GALNT5: variants seen among roughly 807,000 people sequenced by gnomAD.
The protein encoded by GALNT5 is polypeptide N-acetylgalactosaminyltransferase 5, also known as UDP-GalNAc:polypeptide N-acetylgalactosaminyltransferase 5.
GALNT5 carries 72 observed loss-of-function variants against 85.4 expected under a neutral mutation model. That is an observed-to-expected ratio of 0.84 (90% confidence interval 0.70 to 1.03). GALNT5 has a LOEUF of 1.03. GALNT5 is among the 50% of genes least tolerant of loss of function. GALNT5 has a pLI of 0.00. For missense variants in GALNT5, 1,137 were observed against 1,135.5 expected (o/e 1.00, Z -0.02); for synonymous variants, 404 against 397.0 (o/e 1.02, Z -0.21).
In GALNT5 at chr2:157,294,566, G is replaced by A. The variant is rs560013149; in HGVS notation, c.1742-1097G>A. ...AGGCAGAAGAGCAAGTGCTGCAGCC[G>A]AGTGGAGGGTCTGAGACCTGGACCG... On this transcript the variant is annotated intron_variant, in intron 3 of 9. Transcript: ENST00000259056. Among the ~76,000 whole-genome samples, 8 of 152,284 alleles carry A rather than the reference G, an allele frequency of 5.3e-5. No individual in the cohort carries two copies. In the South Asian group the frequency reaches 8.3e-4, roughly 16 times the overall value.
rs748281656 is a variant in GALNT5 at position 157,259,412 on chromosome 2, C to T, written c.1330C>T (p.Pro444Ser). ...CAAAGCTCCAGGGCAGTTTGGGCGT[C>T]CTGTAGTTGTCCCCCATGGAAAGGA... is the stretch of plus-strand genomic sequence containing the variant. ...DPKAPGQFGR[P>S]VVVPHGKEKE... The change falls in exon 1 of 10, where the codon CCT becomes TCT. Residue 444 changes from proline (P) to serine (S), a missense_variant. Physicochemically the swap from Pro to Ser is moderately conservative, Grantham distance 74. Transcript: ENST00000259056. 26 of 1,488,458 alleles carry T rather than the reference C, an allele frequency of 1.7e-5. 1 individual carries two copies. In the Middle Eastern group the frequency reaches 9.1e-4, roughly 52 times the overall value. 92.2% of individuals were successfully genotyped at this position (1,488,458 alleles called of 1,614,324 possible). A position where few individuals can be genotyped will look rare whatever the true frequency, so the allele number is the denominator to read the frequency against.
chr2:157,275,387 A>G (rs1682699770), intron 1 of GALNT5, among the ~76,000 whole-genome samples: 3 of 152,146 alleles, frequency 2.0e-5, no homozygotes, highest in Admixed American at 1.3e-4. Context: ...GTAGCTTGAT[A>G]GGGATGGCAC....
At chr2:157,259,588 T>C (rs369365357) in intron 1 of GALNT5, 52 bp downstream of exon 1, 54 of 1,250,326 alleles carry the variant, frequency 4.3e-5, no homozygotes, top group Non-Finnish European at 5.4e-5. Context: ...TTGGCTGTTA[T>C]GTAAAGAGGA....
intron 1 of GALNT5, among the ~76,000 whole-genome samples, chr2:157,260,356 G>A (rs1682309874): frequency 6.6e-6 from 1 of 152,236 alleles, no homozygotes; most frequent in South Asian, 2.1e-4. Flanking sequence ...AGGTAATGCA[G>A]TTCTAAAGCT....
intron 8 of GALNT5, among the ~76,000 whole-genome samples, chr2:157,306,319 G>A (rs1196011338): frequency 6.6e-6 from 1 of 152,176 alleles, no homozygotes; most frequent in Non-Finnish European, 1.5e-5. Context: ...CAGTCTTATT[G>A]TCTGATTCCA....
At chr2:157,265,885 T>A (rs192853942) in intron 1 of GALNT5, among the ~76,000 whole-genome samples, 1 of 152,374 alleles carries the variant, frequency 6.6e-6, no homozygotes, top group Admixed American at 6.5e-5. Flanking sequence ...CAACTGGCGT[T>A]GCTTCTAAAA....
chr2:157,318,343 G>C lies in GALNT5; in HGVS notation c.*6995G>C, dbSNP rs1015975182. Among the ~76,000 whole-genome samples the C allele has an allele frequency of 3.3e-5, 5 of 152,078 alleles. No individual in the cohort carries two copies. Among genetic ancestry groups the C allele is most frequent in the African/African-American group, 1.2e-4 (5 of 41,410 alleles). On this transcript the variant is annotated 3_prime_UTR_variant, in exon 10 of 10. Transcript: ENST00000259056. ...GATTTCTTCAAGTTGTTCGTGTTAA[G>C]ATGCATCTTAAACATGATCTCAGTT...
intron 1 of GALNT5, among the ~76,000 whole-genome samples, chr2:157,277,113 T>A (rs1395632410): frequency 3.3e-5 from 5 of 152,224 alleles, no homozygotes. Context: ...TTGTTCAGTC[T>A]CCATGTAGTT....
intron 1 of GALNT5, among the ~76,000 whole-genome samples, chr2:157,264,533 C>T (rs1357206488): frequency 6.6e-6 from 1 of 152,172 alleles, no homozygotes; most frequent in Non-Finnish European, 1.5e-5. Flanking sequence ...GGTCTTTATT[C>T]TCTTAGCCCA....
chr2:157,288,837 T>C (rs1407270556), intron 3 of GALNT5, among the ~76,000 whole-genome samples: 1 of 151,830 alleles, frequency 6.6e-6, no homozygotes, highest in Non-Finnish European at 1.5e-5. Flanking sequence ...ACCAGGGAGG[T>C]GCCAGGGTAA....
chr2:157,261,078 C>T (rs1037933053), intron 1 of GALNT5, among the ~76,000 whole-genome samples: 6 of 152,152 alleles, frequency 3.9e-5, no homozygotes, highest in African/African-American at 1.4e-4. Flanking sequence ...TGTGTTGGCC[C>T]AGCTCTAATC....
chr2:157,302,271 C>T (rs1423383326), intron 7 of GALNT5: 1 of 152,060 alleles, frequency 6.6e-6, no homozygotes, highest in Non-Finnish European at 1.5e-5. Context: ...CAAAAACTTA[C>T]TATAATATTC....
At position 157,258,540 on chromosome 2, in the gene GALNT5, C is replaced by T. The variant is rs557180693; in HGVS notation, c.458C>T (p.Ala153Val). Residue 153 changes from alanine (A) to valine (V), a missense_variant, in exon 1 of 10, where the codon GCC becomes GTC. Transcript: ENST00000259056. ...GACGGGAGAGGCACCAAACCTGAAGCCTCCTCTCACCAGGGGACACCAAAG... is the reference window on the plus strand; with the variant it reads ...GACGGGAGAGGCACCAAACCTGAAGTCTCCTCTCACCAGGGGACACCAAAG... ...KTDGRGTKPE[A>V]SSHQGTPKQT... The T allele has an allele frequency of 2.3e-5, 37 of 1,612,906 alleles. No individual in the cohort carries two copies. The African/African-American group carries it at 3.8e-4, about 16-fold the overall frequency.
In GALNT5 at chr2:157,262,972, C is replaced by A. The variant is rs566283175; in HGVS notation, c.1454+3436C>A. Among the ~76,000 whole-genome samples the A allele has an allele frequency of 9.8e-4, 148 of 151,180 alleles. 6 individuals are homozygous for A. Among genetic ancestry groups the A allele is most frequent in the African/African-American group, 3.5e-3 (141 of 40,658 alleles). On this transcript the variant is annotated intron_variant, in intron 1 of 9. Coordinates refer to ENST00000259056, the MANE Select transcript of GALNT5 (RefSeq NM_014568.3). ...CCTCCCGAGTAGCTGGGACTACAGGCACCCGCCACCATGCCCAGCTAATTT... is the reference window on the plus strand; with the variant it reads ...CCTCCCGAGTAGCTGGGACTACAGGAACCCGCCACCATGCCCAGCTAATTT...
chr2:157,258,161 C>T lies in GALNT5; in HGVS notation c.79C>T (p.Leu27Phe), dbSNP rs757949716. Residue 27 changes from leucine (L) to phenylalanine (F), a missense_variant, in exon 1 of 10, where the codon CTC becomes TTC. Transcript: ENST00000259056. ...FIFVASVIWLLFDMAALRLSF... is the reference protein window; with the variant it reads ...FIFVASVIWLFFDMAALRLSF... The stretch of plus-strand genomic sequence containing the variant: ...CTTTGTAGCTTCTGTCATCTGGCTC[C>T]TCTTTGACATGGCAGCTCTCCGCCT... The T allele has an allele frequency of 6.2e-7, 1 of 1,614,094 alleles. No homozygotes were observed. Among genetic ancestry groups the T allele is most frequent in the Non-Finnish European group, 8.5e-7 (1 of 1,180,012 alleles).
intron 1 of GALNT5, among the ~76,000 whole-genome samples, chr2:157,280,409 A>G (rs954085990): frequency 2.0e-5 from 3 of 152,162 alleles, no homozygotes; most frequent in African/African-American, 7.2e-5. Context: ...GAGTGATTCA[A>G]CAAGTCAAAG....
chr2:157,271,723 CT>C (rs1270625969), intron 1 of GALNT5, among the ~76,000 whole-genome samples: 1 of 152,140 alleles, frequency 6.6e-6, no homozygotes. Context: ...GTCAAGGTTT[CT>C]GTTTCAGACA....
chr2:157,289,393 GAAAT>G (rs1683044960), intron 3 of GALNT5, among the ~76,000 whole-genome samples: 1 of 152,136 alleles, frequency 6.6e-6, no homozygotes, highest in South Asian at 2.1e-4. Context: ...GGCTTGTGTA[GAAAT>G]AAATGTTTCA....
At chr2:157,285,403 T>C (rs908765946) in intron 2 of GALNT5, among the ~76,000 whole-genome samples, 2 of 152,180 alleles carry the variant, frequency 1.3e-5, no homozygotes, top group South Asian at 2.1e-4. Context: ...AGAAAAACTT[T>C]CTTAGAAAGT....
Sources: allele counts gnomAD v4.1 joint callset (sites outside exome capture counted in the v4.1 genomes callset), GRCh38; gene constraint gnomAD v4.1.1; transcripts MANE v1.5; gene names NCBI Gene and HGNC (gene_info 2026-07-23, HGNC 2026-07-21).